The following RAB3GAP2 variants were observed in gnomAD, a reference collection of about 807,000 sequenced individuals.
The protein encoded by RAB3GAP2 is RAB3 GTPase activating non-catalytic protein subunit 2, also known as rab3 GTPase-activating protein non-catalytic subunit.
Under a neutral mutation model 185.3 loss-of-function variants are expected in RAB3GAP2, and 87 were observed. The observed-to-expected ratio is 0.47, with a 90% CI of 0.39 to 0.56. The LOEUF is 0.56. Ranked by LOEUF, RAB3GAP2 falls within the 20% of genes least tolerant of loss-of-function variation. The pLI is 0.00. For synonymous variants in RAB3GAP2, 554 were observed against 576.1 expected (o/e 0.96, Z 0.55); for missense variants, 1,492 against 1,638.2 (o/e 0.91, Z 1.54).
At chr1:220,163,649 A>G (rs1658005691) in intron 27 of RAB3GAP2, among the ~76,000 whole-genome samples, 1 of 150,850 alleles carries the variant, frequency 6.6e-6, no homozygotes, top group Non-Finnish European at 1.5e-5. Flanking sequence ...GGTGTGAGCC[A>G]CTGCGTCCGG....
intron 1 of RAB3GAP2, among the ~76,000 whole-genome samples, chr1:220,245,586 G>A (rs1002702926): frequency 6.6e-6 from 1 of 152,112 alleles, no homozygotes; most frequent in Admixed American, 6.5e-5. Flanking sequence ...CAGCGAGGCT[G>A]GGGGAGGGGC....
chr1:220,152,725 A>G (rs1425332924), intron 33 of RAB3GAP2, among the ~76,000 whole-genome samples: 1 of 151,910 alleles, frequency 6.6e-6, no homozygotes, highest in African/African-American at 2.4e-5. Context: ...AAAAATAAAT[A>G]TTTTTTTCCT....
At chr1:220,267,355 A>G in intron 1 of RAB3GAP2, 2 of 1,149,392 alleles carry the variant, frequency 1.7e-6, no homozygotes, top group Non-Finnish European at 2.6e-6. Flanking sequence ...AGGATGTTGG[A>G]GGTGGGACTG....
rs1292308264 is a variant in RAB3GAP2 at position 220,149,450 on chromosome 1, A to T, written c.*1801T>A. 1 of 152,210 alleles carries T rather than the reference A, an allele frequency of 6.6e-6. No homozygotes were observed. Among genetic ancestry groups the T allele is most frequent in the Non-Finnish European group, 1.5e-5 (1 of 68,022 alleles). 9.4% of individuals were successfully genotyped at this position (152,210 alleles called of 1,614,324 possible). ...TGATGGAATTGAGGATTTATTCTTT[A>T]AAAATACCTATAACTCCAAGTTTCT... is the stretch of plus-strand genomic sequence containing the variant. On this transcript the variant is annotated 3_prime_UTR_variant, in exon 35 of 35. Coordinates refer to ENST00000358951, the MANE Select transcript of RAB3GAP2 (RefSeq NM_012414.4).
chr1:220,186,851 C>A lies in RAB3GAP2; in HGVS notation c.1780-1110G>T, dbSNP rs78594440. On this transcript the variant is annotated intron_variant, in intron 17 of 34. Transcript: ENST00000358951. ...TGATTTAGGATAAGAAGAAAGATGG[C>A]ATAAAAATGAGAAGAACCGTGTGGG... Among the ~76,000 whole-genome samples, 11 of 152,238 alleles carry A rather than the reference C, an allele frequency of 7.2e-5. No homozygotes were observed. In the East Asian group the frequency reaches 1.7e-3, roughly 24 times the overall value.
chr1:220,202,430 C>CA (rs1302325058), intron 8 of RAB3GAP2, 56 bp from the exon 9 acceptor site: 14 of 1,531,954 alleles, frequency 9.1e-6, no homozygotes, highest in South Asian at 2.3e-5. Flanking sequence ...TGAAGTTTTA[C>CA]AAAAAAACAT....
chr1:220,192,531 C>G (rs918818872), intron 13 of RAB3GAP2, among the ~76,000 whole-genome samples: 3 of 152,178 alleles, frequency 2.0e-5, no homozygotes. Context: ...TCAAGTCTCC[C>G]TTATAGTTAG....
At chr1:220,258,244 C>G (rs746290107) in intron 1 of RAB3GAP2, among the ~76,000 whole-genome samples, 3 of 152,074 alleles carry the variant, frequency 2.0e-5, no homozygotes, top group Non-Finnish European at 2.9e-5. Flanking sequence ...ATGAGACCAG[C>G]ATCATCTTGA....
intron 28 of RAB3GAP2, 29 bp downstream of exon 28, chr1:220,162,169 T>C (rs749468071): frequency 2.1e-6 from 3 of 1,445,522 alleles, no homozygotes; most frequent in Non-Finnish European, 1.9e-6. Flanking sequence ...ATCAAATAAA[T>C]AAGAAGTCAA....
chr1:220,181,941 G>A (rs1658414443), intron 21 of RAB3GAP2, among the ~76,000 whole-genome samples: 1 of 151,942 alleles, frequency 6.6e-6, no homozygotes, highest in African/African-American at 2.4e-5. Flanking sequence ...GGCTGAGATG[G>A]GAGGATGGCT....
At chr1:220,157,186 G>C (rs1657872878) in intron 31 of RAB3GAP2, 84 bp downstream of exon 31, 1 of 1,195,042 alleles carries the variant, frequency 8.4e-7, no homozygotes, top group East Asian at 2.5e-5. Context: ...AAAAGTACTG[G>C]ACAGCTTCTA....
intron 27 of RAB3GAP2, 62 bp downstream of exon 27, chr1:220,164,671 C>T: frequency 1.3e-6 from 2 of 1,558,390 alleles, no homozygotes; most frequent in East Asian, 4.7e-5. Context: ...AATTCACATC[C>T]TGTTAAATCA....
intron 1 of RAB3GAP2, among the ~76,000 whole-genome samples, chr1:220,245,346 C>T (rs1659784564): frequency 6.6e-6 from 1 of 152,308 alleles, no homozygotes; most frequent in East Asian, 1.9e-4. Flanking sequence ...CGAGGCATTG[C>T]CTCACTTGGG....
At position 220,205,786 on chromosome 1, in the gene RAB3GAP2, T is replaced by C; in HGVS notation, c.712+121A>G. 6.7e-6 allele frequency: 5 copies of C among 747,598 alleles called. No homozygotes were observed. The South Asian group carries it at 8.3e-5, about 12-fold the overall frequency. 46.3% of individuals were successfully genotyped at this position (747,598 alleles called of 1,614,324 possible). A position where few individuals can be genotyped will look rare whatever the true frequency, so the allele number is the denominator to read the frequency against. ...CCCTTTCTCTACAGAAGGCAGGTTT[T>C]TCCCATAAATCTAGTTCAGAAGGCC... On this transcript the variant is annotated intron_variant, in intron 8 of 34. Coordinates refer to ENST00000358951, the MANE Select transcript of RAB3GAP2 (RefSeq NM_012414.4).
chr1:220,263,733 T>C (rs1025230457), intron 1 of RAB3GAP2, among the ~76,000 whole-genome samples: 1 of 152,108 alleles, frequency 6.6e-6, no homozygotes, highest in Non-Finnish European at 1.5e-5. Context: ...TCTTCTAACT[T>C]GTTTCTTCTT....
intron 8 of RAB3GAP2, among the ~76,000 whole-genome samples, chr1:220,204,365 A>C (rs1268473043): frequency 2.6e-5 from 4 of 152,172 alleles, no homozygotes; most frequent in Non-Finnish European, 5.9e-5. Flanking sequence ...CATTATCTTG[A>C]GAACATTTAA....
chr1:220,158,729 C>T lies in RAB3GAP2; in HGVS notation c.3261+657G>A, dbSNP rs1229903587. Among the ~76,000 whole-genome samples the T allele has an allele frequency of 6.6e-6, 1 of 151,072 alleles. No individual in the cohort carries two copies. Among genetic ancestry groups the T allele is most frequent in the Non-Finnish European group, 1.5e-5 (1 of 67,986 alleles). Reference sequence around the variant, plus strand: ...GTGCTAGGATTACAGGCGTGAGCCACCGCGCCCTGCCATATAATCTTTTTA... The same window carrying T: ...GTGCTAGGATTACAGGCGTGAGCCATCGCGCCCTGCCATATAATCTTTTTA... On this transcript the variant is annotated intron_variant, in intron 29 of 34. Coordinates refer to ENST00000358951, the MANE Select transcript of RAB3GAP2 (RefSeq NM_012414.4). This position sits in a 1 kb window ranked among gnomAD's most constrained non-coding sequence, Gnocchi z 4.3.
In RAB3GAP2 at chr1:220,167,312, T is replaced by C. The variant is rs1481735016; in HGVS notation, c.3068A>G (p.Gln1023Arg). The stretch of plus-strand genomic sequence containing the variant: ...TCTTACCTCTGGATCTTTATTCCAC[T>C]GAACAACGTACTCCCAGCAGCAATG... ...HAHCCWEYVVQWNKDPEEARF... is the reference protein window; with the variant it reads ...HAHCCWEYVVRWNKDPEEARF... The change falls in exon 26 of 35, where the codon CAG (glutamine) becomes CGG (arginine). Residue 1023 changes from glutamine (Q) to arginine (R), a missense_variant. This residue lies in a region of RAB3GAP2 where 387 missense variants were observed against 455.3 expected (regional missense o/e 0.85). Coordinates refer to ENST00000358951, the MANE Select transcript of RAB3GAP2 (RefSeq NM_012414.4). The C allele has an allele frequency of 5.6e-6, 9 of 1,614,054 alleles. No individual in the cohort carries two copies. The South Asian group carries it at 9.9e-5, about 18-fold the overall frequency.
intron 1 of RAB3GAP2, among the ~76,000 whole-genome samples, chr1:220,260,602 G>T (rs755662710): frequency 7.6e-4 from 115 of 152,168 alleles, no homozygotes; most frequent in Admixed American, 1.4e-3. Flanking sequence ...TTGGGGTGGT[G>T]GGGGGAGGGA....
Sources: allele counts gnomAD v4.1 joint callset (sites outside exome capture counted in the v4.1 genomes callset), GRCh38; gene constraint gnomAD v4.1.1; regional missense constraint gnomAD v4.1.1; non-coding constraint Gnocchi (gnomAD v3.1); transcripts MANE v1.5; gene names NCBI Gene and HGNC (gene_info 2026-07-23, HGNC 2026-07-21).